Variants in FBXL20 observed in about 807,000 individuals in gnomAD.
FBXL20 encodes the protein F-box/LRR-repeat protein 20.
Under a neutral mutation model 64.0 loss-of-function variants are expected in FBXL20, and 11 were observed. The observed-to-expected ratio is 0.17, with a 90% CI of 0.11 to 0.28. The LOEUF is 0.28. FBXL20 is among the 10% of genes least tolerant of loss of function. FBXL20 has a pLI of 1.00. For synonymous variants in FBXL20, 184 were observed against 189.0 expected (o/e 0.97, Z 0.22); for missense variants, 303 against 526.2 (o/e 0.58, Z 4.15).
intron 1 of FBXL20, among the ~76,000 whole-genome samples, chr17:39,400,960 C>T (rs766320522): frequency 1.3e-5 from 2 of 152,230 alleles, no homozygotes; most frequent in Non-Finnish European, 2.9e-5. Flanking sequence ...TAATTTCCTC[C>T]CTCAACAGAC....
Position 39,265,477 on chromosome 17 carries a change from T to C in FBXL20, c.934-24A>G, listed in dbSNP as rs1326625710. On this transcript the variant is annotated intron_variant, in intron 12 of 14. Transcript: ENST00000264658. ...ATCTGAAAGAAATAACGTATGTTGATTTTAGGTATAATCCAAATAAAATCC... is the reference window on the plus strand; with the variant it reads ...ATCTGAAAGAAATAACGTATGTTGACTTTAGGTATAATCCAAATAAAATCC... The C allele has an allele frequency of 2.6e-6, 4 of 1,539,922 alleles. No homozygotes were observed. In the East Asian group the frequency reaches 6.7e-5, roughly 26 times the overall value.
At chr17:39,276,876 C>T (rs1176612584) in intron 9 of FBXL20, among the ~76,000 whole-genome samples, 1 of 152,120 alleles carries the variant, frequency 6.6e-6, no homozygotes, top group Non-Finnish European at 1.5e-5. Flanking sequence ...CGCTTTAGCC[C>T]AGGAGTTCAA....
chr17:39,351,100 TGAG>T (rs1012522073), intron 1 of FBXL20, among the ~76,000 whole-genome samples: 10 of 151,956 alleles, frequency 6.6e-5, no homozygotes, highest in Non-Finnish European at 1.2e-4. Flanking sequence ...TTTGGGAGGC[TGAG>T]GTGGGCGGAT....
intron 1 of FBXL20, among the ~76,000 whole-genome samples, chr17:39,374,221 T>A (rs8080830): frequency 0.053 from 7,760 of 145,762 alleles, 655 homozygotes; most frequent in African/African-American, 0.19. Context: ...CAAAACTACG[T>A]CTCAAAGAAA....
intron 2 of FBXL20, among the ~76,000 whole-genome samples, chr17:39,312,916 T>C (rs2047249022): frequency 8.4e-6 from 1 of 119,682 alleles, no homozygotes; most frequent in Admixed American, 8.6e-5. Context: ...TGAAGATAGT[T>C]ACTTTTTTTT....
At chr17:39,267,906 G>A (rs2046806424) in intron 12 of FBXL20, among the ~76,000 whole-genome samples, 1 of 152,178 alleles carries the variant, frequency 6.6e-6, no homozygotes, top group Non-Finnish European at 1.5e-5. Context: ...CAGCTGTTAA[G>A]TAGTGCCTAT....
chr17:39,303,269 A>G (rs924173259), intron 3 of FBXL20, among the ~76,000 whole-genome samples: 6 of 152,030 alleles, frequency 3.9e-5, no homozygotes, highest in African/African-American at 9.7e-5. Flanking sequence ...ATGAACTAGG[A>G]AAACATAATA....
At chr17:39,270,697 C>T in intron 11 of FBXL20, 99 bp downstream of exon 11, 1 of 1,008,430 alleles carries the variant, frequency 9.9e-7, no homozygotes, top group South Asian at 1.5e-5. Flanking sequence ...CCCAATTCTG[C>T]TACCATTTCA....
intron 12 of FBXL20, 40 bp downstream of exon 12, chr17:39,268,787 C>T: frequency 6.4e-7 from 1 of 1,551,376 alleles, no homozygotes; most frequent in Non-Finnish European, 8.9e-7. Context: ...ATCTAAGTGT[C>T]TACTATACTG....
At chr17:39,270,767 A>T (rs1455251560) in intron 11 of FBXL20, 29 bp downstream of exon 11, 1 of 1,572,300 alleles carries the variant, frequency 6.4e-7, no homozygotes, top group Non-Finnish European at 8.6e-7. Context: ...TATGGAAACA[A>T]ACCTATGGAA....
At chr17:39,362,655 G>A (rs2047809657) in intron 1 of FBXL20, among the ~76,000 whole-genome samples, 1 of 139,416 alleles carries the variant, frequency 7.2e-6, no homozygotes. Flanking sequence ...GTCTCGCTCT[G>A]TCAACCAGGC....
At chr17:39,387,628 A>G (rs1388206721) in intron 1 of FBXL20, among the ~76,000 whole-genome samples, 1 of 146,152 alleles carries the variant, frequency 6.8e-6, no homozygotes, top group Non-Finnish European at 1.5e-5. Flanking sequence ...TCCAGGCTGG[A>G]GTGCAGAGGC....
chr17:39,268,472 A>G (rs781427390), intron 12 of FBXL20, among the ~76,000 whole-genome samples: 8 of 152,230 alleles, frequency 5.3e-5, no homozygotes, highest in Non-Finnish European at 1.0e-4. Context: ...GGGATCTAGG[A>G]TACAGCAAAG....
At chr17:39,395,068 A>C (rs1309126802) in intron 1 of FBXL20, among the ~76,000 whole-genome samples, 1 of 152,228 alleles carries the variant, frequency 6.6e-6, no homozygotes, top group African/African-American at 2.4e-5. Flanking sequence ...ATTAAAAAGC[A>C]TCATCAACAC....
Position 39,333,379 on chromosome 17 carries a change from G to A in FBXL20, c.104+9801C>T, listed in dbSNP as rs553520043. On this transcript the variant is annotated intron_variant, in intron 2 of 14. Transcript: ENST00000264658. ...CCGGGCTGGTCTCCAGCTCCTGACC[G>A]CGAGTGATCTGCCAGCCTCGGCCTC... Among the ~76,000 whole-genome samples, 30 of 152,336 alleles carry A rather than the reference G, an allele frequency of 2.0e-4. No individual in the cohort carries two copies. The South Asian group carries it at 3.7e-3, about 19-fold the overall frequency.
At position 39,339,916 on chromosome 17, in the gene FBXL20, GATTACAGGC is replaced by G. The variant is rs2047565762; in HGVS notation, c.104+3255_104+3263del. ...CCGTCTCAGCCTCCCAAAGTGCTGG[GATTACAGGC>G]ATGAGCCACCGTAACTGGATTTTTT... On this transcript the variant is annotated intron_variant, in intron 2 of 14. Coordinates refer to ENST00000264658, the MANE Select transcript of FBXL20 (RefSeq NM_032875.3). 2.6e-5 allele frequency among the ~76,000 whole-genome samples: 4 copies of G among 152,124 alleles called. No individual in the cohort carries two copies. In the South Asian group the frequency reaches 6.2e-4, roughly 24 times the overall value.
At chr17:39,388,128 T>C (rs1304798329) in intron 1 of FBXL20, among the ~76,000 whole-genome samples, 2 of 152,128 alleles carry the variant, frequency 1.3e-5, no homozygotes, top group African/African-American at 4.8e-5. Flanking sequence ...CTTGAGAAAA[T>C]GGTATTATTT....
chr17:39,280,258 C>T (rs2144383862), intron 9 of FBXL20, among the ~76,000 whole-genome samples: 1 of 145,066 alleles, frequency 6.9e-6, no homozygotes, highest in African/African-American at 2.5e-5. Context: ...AAAAAATTAG[C>T]CGGGCATGGT....
intron 8 of FBXL20, among the ~76,000 whole-genome samples, chr17:39,281,799 T>A (rs1288113960): frequency 2.0e-5 from 3 of 152,124 alleles, no homozygotes; most frequent in Non-Finnish European, 4.4e-5. Flanking sequence ...CTAAAATAAT[T>A]TTCAAACTTC....
Sources: allele counts gnomAD v4.1 joint callset (sites outside exome capture counted in the v4.1 genomes callset), GRCh38; gene constraint gnomAD v4.1.1; transcripts MANE v1.5; gene names NCBI Gene and HGNC (gene_info 2026-07-23, HGNC 2026-07-21).